Variants in GRM8 observed in about 807,000 individuals in gnomAD.
GRM8 encodes the protein metabotropic glutamate receptor 8.
GRM8 carries 47 observed loss-of-function variants against 87.2 expected under a neutral mutation model. That is an observed-to-expected ratio of 0.54 (90% CI 0.43 to 0.69). GRM8 has a LOEUF of 0.69. Among genes scored for constraint, GRM8 ranks in the 30% least tolerant of loss-of-function variants. GRM8 has a pLI of 0.00. For synonymous variants in GRM8, 396 were observed against 404.5 expected (o/e 0.98, Z 0.25); for missense variants, 1,019 against 1,139.2 (o/e 0.89, Z 1.52).
chr7:126,672,200 T>G (rs1806455786), intron 7 of GRM8, among the ~76,000 whole-genome samples: 2 of 152,180 alleles, frequency 1.3e-5, no homozygotes, highest in Admixed American at 6.5e-5. Context: ...AGTGGGTAAT[T>G]CCTATTCTCT....
At chr7:126,696,040 A>C (rs1809343673) in intron 7 of GRM8, among the ~76,000 whole-genome samples, 1 of 152,272 alleles carries the variant, frequency 6.6e-6, no homozygotes, top group African/African-American at 2.4e-5. Context: ...CAACCAGGTA[A>C]AATGTGATGA....
At chr7:127,210,346 T>C (rs1478185264) in intron 2 of GRM8, among the ~76,000 whole-genome samples, 1 of 152,128 alleles carries the variant, frequency 6.6e-6, no homozygotes, top group African/African-American at 2.4e-5. Context: ...TTTAATAATG[T>C]TTTACTTCCC....
At chr7:126,768,802 T>C (rs929505531) in intron 7 of GRM8, among the ~76,000 whole-genome samples, 1 of 152,058 alleles carries the variant, frequency 6.6e-6, no homozygotes. Context: ...TTCAAACTCC[T>C]GTTAGTGTTC....
In GRM8 at chr7:127,182,634, T is replaced by G. The variant is rs1389764532; in HGVS notation, c.510+60061A>C. ...CAATGAGTAGATAAAGAAAGTGTGG[T>G]GTGTGTGTGTGTGTGTGTGTGTGTG... On this transcript the variant is annotated intron_variant, in intron 2 of 10. Coordinates refer to ENST00000339582, the MANE Select transcript of GRM8 (RefSeq NM_000845.3). 8.1e-4 allele frequency among the ~76,000 whole-genome samples: 7 copies of G among 8,628 alleles called. No individual in the cohort carries two copies. The African/African-American group carries it at 9.0e-3, about 11-fold the overall frequency. The allele number at this position is 8,628 out of a possible 152,430, so 5.7% of individuals were successfully genotyped here.
At chr7:126,840,047 C>A (rs951302582) in intron 6 of GRM8, among the ~76,000 whole-genome samples, 1 of 152,064 alleles carries the variant, frequency 6.6e-6, no homozygotes, top group Non-Finnish European at 1.5e-5. Context: ...GTTGTTTTTT[C>A]ACCACCATAT....
At chr7:126,693,167 T>C (rs1479316460) in intron 7 of GRM8, among the ~76,000 whole-genome samples, 1 of 152,122 alleles carries the variant, frequency 6.6e-6, no homozygotes, top group African/African-American at 2.4e-5. Flanking sequence ...GGAAACCAAA[T>C]TGTCAACATG....
At chr7:127,161,003 T>C (rs1308701131) in intron 2 of GRM8, among the ~76,000 whole-genome samples, 3 of 152,172 alleles carry the variant, frequency 2.0e-5, no homozygotes, top group African/African-American at 7.2e-5. Flanking sequence ...TCAAGGACGA[T>C]GGTTATTTCT....
chr7:126,477,539 A>T (rs1806072197), intron 9 of GRM8, among the ~76,000 whole-genome samples: 1 of 150,780 alleles, frequency 6.6e-6, no homozygotes, highest in Admixed American at 6.7e-5. Flanking sequence ...CTCAATAAAG[A>T]GACTGAGAAA....
intron 7 of GRM8, among the ~76,000 whole-genome samples, chr7:126,666,519 C>T (rs1161075699): frequency 5.3e-5 from 8 of 152,030 alleles, no homozygotes; most frequent in Non-Finnish European, 1.2e-4. Flanking sequence ...GAACTGGCCA[C>T]AAAAGCATTA....
intron 2 of GRM8, chr7:127,118,418 TA>T (rs1826828464): frequency 6.6e-6 from 1 of 152,236 alleles, no homozygotes; most frequent in Non-Finnish European, 1.5e-5. Context: ...AAGTTTCCCC[TA>T]AACAAATTGA....
chr7:126,843,250 G>A lies in GRM8; in HGVS notation c.1156+59292C>T, dbSNP rs531717948. On this transcript the variant is annotated intron_variant, in intron 6 of 10. Transcript: ENST00000339582. ...ACTTCAGTAACTAGCAGTGTGCCTA[G>A]TACATGGTAGAAGCTCAATAAGGAC... is the stretch of plus-strand genomic sequence containing the variant. Among the ~76,000 whole-genome samples, 6 of 152,124 alleles carry A rather than the reference G, an allele frequency of 3.9e-5. No homozygotes were observed. In the East Asian group the frequency reaches 1.2e-3, roughly 29 times the overall value.
At chr7:126,978,656 T>C (rs1286838021) in intron 3 of GRM8, among the ~76,000 whole-genome samples, 1 of 152,232 alleles carries the variant, frequency 6.6e-6, no homozygotes, top group Non-Finnish European at 1.5e-5. Flanking sequence ...GTAAGACTTT[T>C]GCAAAACCAA....
chr7:127,040,604 GA>G (rs34065508), intron 3 of GRM8, among the ~76,000 whole-genome samples: 35,595 of 147,642 alleles, frequency 0.24, 5,150 homozygotes, highest in East Asian at 0.58. Flanking sequence ...TATTCCTTGT[GA>G]AAAAAAAAAA....
chr7:127,230,962 C>G (rs1300784917), intron 2 of GRM8, among the ~76,000 whole-genome samples: 1 of 152,232 alleles, frequency 6.6e-6, no homozygotes, highest in African/African-American at 2.4e-5. Flanking sequence ...CAGGACCACA[C>G]TGTAGCCCTT....
intron 6 of GRM8, among the ~76,000 whole-genome samples, chr7:126,861,035 T>C (rs1307581533): frequency 6.6e-6 from 1 of 152,170 alleles, no homozygotes; most frequent in Non-Finnish European, 1.5e-5. Context: ...CTCTGTGGCC[T>C]TCAGCCATGC....
intron 3 of GRM8, among the ~76,000 whole-genome samples, chr7:126,961,201 G>A (rs1172302021): frequency 2.0e-5 from 3 of 152,122 alleles, no homozygotes; most frequent in African/African-American, 7.2e-5. Flanking sequence ...GGAAAAAAAA[G>A]TGAAAGATTT....
intron 3 of GRM8, among the ~76,000 whole-genome samples, chr7:126,975,884 C>T (rs1810936009): frequency 6.6e-6 from 1 of 152,132 alleles, no homozygotes; most frequent in Non-Finnish European, 1.5e-5. Context: ...TTCATTTTAA[C>T]TCCTGCCTAC....
chr7:126,630,637 T>C (rs1231002548), intron 7 of GRM8, among the ~76,000 whole-genome samples: 1 of 151,978 alleles, frequency 6.6e-6, no homozygotes, highest in Non-Finnish European at 1.5e-5. Context: ...CTCAACAAAA[T>C]ACTAGCAAAC....
intron 8 of GRM8, among the ~76,000 whole-genome samples, chr7:126,593,938 C>T (rs1796923917): frequency 1.3e-5 from 2 of 151,832 alleles, no homozygotes; most frequent in South Asian, 4.1e-4. Flanking sequence ...GGCAAAGGAC[C>T]TGAATAGATG....
Sources: gnomAD v4.1 joint callset for allele counts (sites outside exome capture counted in the v4.1 genomes callset) on GRCh38, gnomAD v4.1.1 for gene constraint, MANE v1.5 for transcripts, NCBI Gene and HGNC (gene_info 2026-07-23, HGNC 2026-07-21) for gene names.